The following PPP2R3C variants were observed in gnomAD, a reference collection of about 807,000 sequenced individuals.
PPP2R3C encodes protein phosphatase 2 regulatory subunit B''gamma, also known as serine/threonine-protein phosphatase 2A regulatory subunit B'' subunit gamma.
A neutral mutation model predicts 63.7 loss-of-function variants in PPP2R3C; 47 were observed. The observed-to-expected ratio is 0.74, with a 90% CI of 0.58 to 0.94. The LOEUF (loss-of-function observed/expected upper bound fraction) is 0.94, where lower values mean the gene tolerates loss of function less well. PPP2R3C is among the 40% of genes least tolerant of loss of function. PPP2R3C has a pLI of 0.00. For synonymous variants in PPP2R3C, 180 were observed against 177.4 expected (o/e 1.01, Z -0.12); for missense variants, 421 against 518.4 (o/e 0.81, Z 1.82).
intron 2 of PPP2R3C, among the ~76,000 whole-genome samples, chr14:35,111,874 A>C (rs1051333216): frequency 6.6e-6 from 1 of 152,192 alleles, no homozygotes; most frequent in South Asian, 2.1e-4. Context: ...TATCCTTGAA[A>C]AACCCTAGCC....
chr14:35,107,202 G>T, intron 6 of PPP2R3C, 102 bp downstream of exon 6: 1 of 851,790 alleles, frequency 1.2e-6, no homozygotes, highest in Non-Finnish European at 1.9e-6. Context: ...ATAAAACAAA[G>T]TATTATGAGA....
chr14:35,116,778 A>G (rs750038733), intron 1 of PPP2R3C, 41 bp from the exon 2 acceptor site: 3 of 1,484,352 alleles, frequency 2.0e-6, no homozygotes, highest in Non-Finnish European at 2.7e-6. Context: ...TTTAAAATCA[A>G]GCAGTACTTT....
chr14:35,095,289 C>T, intron 9 of PPP2R3C, 105 bp from the exon 10 acceptor site: 1 of 1,162,140 alleles, frequency 8.6e-7, no homozygotes, highest in Non-Finnish European at 1.2e-6. Context: ...GATTTTCAAA[C>T]TATTCATGTT....
Position 35,091,136 on chromosome 14 carries a change from A to G in PPP2R3C, c.1047T>C (p.Ile349=). The G allele has an allele frequency of 6.2e-7, 1 of 1,608,816 alleles. No homozygotes were observed. The highest frequency in any genetic ancestry group is 8.5e-7 in the Non-Finnish European group (1 of 1,176,310). Residue 349 remains isoleucine (I), a synonymous_variant, in exon 11 of 13, where the codon ATT becomes ATC. Transcript: ENST00000261475. ...TGTTCTCAATATCAAGCAGTTTGAA[A>G]ATATATTGTAGAGCTGCAGGTTCCT... ...NRKEPAALQY[I]FKLLDIENKG... is the part of the protein sequence containing the mutation.
intron 10 of PPP2R3C, among the ~76,000 whole-genome samples, chr14:35,092,657 G>A (rs1283491639): frequency 6.6e-6 from 1 of 151,808 alleles, no homozygotes; most frequent in African/African-American, 2.4e-5. Flanking sequence ...GTAGAGAAGC[G>A]GTTTCTCCAA....
intron 1 of PPP2R3C, among the ~76,000 whole-genome samples, chr14:35,120,199 G>A (rs2046825658): frequency 6.6e-6 from 1 of 151,312 alleles, no homozygotes; most frequent in Non-Finnish European, 1.5e-5. Context: ...GGGGTTGTGG[G>A]GCTGAAAGAA....
At chr14:35,105,064 G>T (rs560124345) in intron 6 of PPP2R3C, among the ~76,000 whole-genome samples, 1 of 151,028 alleles carries the variant, frequency 6.6e-6, no homozygotes, top group Admixed American at 6.6e-5. Context: ...AAAAAAAAGC[G>T]GGGGGGTGGA....
chr14:35,086,956 C>G lies in PPP2R3C; in HGVS notation c.1173+995G>C, dbSNP rs944468200. The stretch of plus-strand genomic sequence containing the variant: ...GGGATTACAGCCGTGTACCACCACA[C>G]CCGGCTAACAAGGGTTTGGTTTAAT... On this transcript the variant is annotated intron_variant, in intron 12 of 12. Coordinates refer to ENST00000261475, the MANE Select transcript of PPP2R3C (RefSeq NM_017917.4). 2.0e-5 allele frequency: 3 copies of G among 151,176 alleles called. No individual in the cohort carries two copies. The Admixed American group carries it at 2.0e-4, about 10-fold the overall frequency. 9.4% of individuals were successfully genotyped at this position (151,176 alleles called of 1,614,324 possible).
At chr14:35,093,508 CT>C (rs1438818452) in intron 10 of PPP2R3C, among the ~76,000 whole-genome samples, 1 of 152,018 alleles carries the variant, frequency 6.6e-6, no homozygotes, top group Non-Finnish European at 1.5e-5. Flanking sequence ...TTTTCTGTGC[CT>C]TTTCCCCTCT....
At chr14:35,121,456 T>C (rs1166465825) in intron 1 of PPP2R3C, among the ~76,000 whole-genome samples, 1 of 151,764 alleles carries the variant, frequency 6.6e-6, no homozygotes, top group Non-Finnish European at 1.5e-5. Context: ...AGTGCGGGTG[T>C]GGAATAGGAA....
At chr14:35,117,844 G>A (rs932163380) in intron 1 of PPP2R3C, among the ~76,000 whole-genome samples, 3 of 152,146 alleles carry the variant, frequency 2.0e-5, no homozygotes, top group Admixed American at 1.3e-4. Context: ...ACGGGCATGT[G>A]CCACCACGCC....
At chr14:35,110,085 A>G in intron 3 of PPP2R3C, 154 bp from the exon 4 acceptor site, 1 of 573,938 alleles carries the variant, frequency 1.7e-6, no homozygotes. Context: ...GATTACTAAC[A>G]ATAAAAATAA....
At chr14:35,094,397 G>A (rs1030382856) in intron 10 of PPP2R3C, among the ~76,000 whole-genome samples, 1 of 151,728 alleles carries the variant, frequency 6.6e-6, no homozygotes, top group African/African-American at 2.4e-5. Flanking sequence ...TTGAACGACT[G>A]GCCTTAAGTG....
At chr14:35,110,443 G>A (rs956999534) in intron 3 of PPP2R3C, 82 bp downstream of exon 3, 6 of 903,830 alleles carry the variant, frequency 6.6e-6, no homozygotes, top group Non-Finnish European at 1.0e-5. Flanking sequence ...GACTCCATTA[G>A]GCACCAAGAA....
chr14:35,105,531 T>C (rs1331151943), intron 6 of PPP2R3C, among the ~76,000 whole-genome samples: 1 of 152,042 alleles, frequency 6.6e-6, no homozygotes, highest in Non-Finnish European at 1.5e-5. Context: ...AAAAAGGAAT[T>C]TGTATAGTCA....
At chr14:35,108,276 TAAAAG>T in intron 4 of PPP2R3C, 40 bp from the exon 5 acceptor site, 2 of 1,528,504 alleles carry the variant, frequency 1.3e-6, no homozygotes, top group East Asian at 2.5e-5. Flanking sequence ...TCTGCCAACA[TAAAAG>T]AAAATGACTT....
chr14:35,116,040 CTAA>C (rs1595129514), intron 2 of PPP2R3C, among the ~76,000 whole-genome samples: 1 of 152,042 alleles, frequency 6.6e-6, no homozygotes, highest in African/African-American at 2.4e-5. Context: ...ATACTTACTA[CTAA>C]TATCTATAAT....
rs1159003633 is a variant in PPP2R3C at position 35,086,498 on chromosome 14, C to CT, written c.1174-721dup. On this transcript the variant is annotated intron_variant, in intron 12 of 12. Transcript: ENST00000261475. Reference sequence around the variant, plus strand: ...ATAGGTGTGAGCCACTGCGCCCAGCCTTTTTTTTTTTTTTTTGAGACAGAG... The same window carrying CT: ...ATAGGTGTGAGCCACTGCGCCCAGCCTTTTTTTTTTTTTTTTTGAGACAGAG... The CT allele has an allele frequency of 7.3e-3, 912 of 125,308 alleles. 7 individuals are homozygous for CT. Among genetic ancestry groups the CT allele is most frequent in the Middle Eastern group, 0.019 (3 of 162 alleles). 7.8% of individuals were successfully genotyped at this position (125,308 alleles called of 1,614,324 possible). A position where few individuals can be genotyped will look rare whatever the true frequency, so the allele number is the denominator to read the frequency against.
rs373881768 is a variant in PPP2R3C at position 35,085,742 on chromosome 14, A to G, written c.1210T>C (p.Leu404=). 27 of 1,610,588 alleles carry G rather than the reference A, an allele frequency of 1.7e-5. No homozygotes were observed. Among genetic ancestry groups the G allele is most frequent in the Non-Finnish European group, 2.1e-5 (25 of 1,178,284 alleles). ...IFDMVKPKDP[L]KISLQDLINS... ...ATTAAATCCTGAAGAGAGATTTTCA[A>G]AGGATCCTTTGGTTTTACCATGTCA... Residue 404 remains leucine, a synonymous_variant, in exon 13 of 13, where the codon TTG becomes CTG. Transcript: ENST00000261475.
Sources: allele counts gnomAD v4.1 joint callset (sites outside exome capture counted in the v4.1 genomes callset), GRCh38; gene constraint gnomAD v4.1.1; transcripts MANE v1.5; gene names NCBI Gene and HGNC (gene_info 2026-07-23, HGNC 2026-07-21).